ZMIZ1: variants seen among roughly 807,000 people sequenced by gnomAD.
The protein encoded by ZMIZ1 is zinc finger MIZ domain-containing protein 1.
ZMIZ1 carries 17 observed loss-of-function variants against 113.9 expected under a neutral mutation model. That is an observed-to-expected ratio of 0.15 (90% CI 0.10 to 0.22). The LOEUF (loss-of-function observed/expected upper bound fraction) is 0.22, where lower values mean the gene tolerates loss of function less well. Among genes scored for constraint, ZMIZ1 ranks in the 10% least tolerant of loss-of-function variants. The pLI is 1.00. For missense variants in ZMIZ1, 1,059 were observed against 1,477.8 expected, an observed-to-expected ratio of 0.72 and a Z score of 4.65; for synonymous variants, 607 against 603.1, an observed-to-expected ratio of 1.01 and a Z score of -0.09.
intron 4 of ZMIZ1, among the ~76,000 whole-genome samples, chr10:79,176,867 C>T (rs1222429092): frequency 6.6e-6 from 1 of 152,210 alleles, no homozygotes; most frequent in Non-Finnish European, 1.5e-5. Flanking sequence ...CCCATCTACC[C>T]AGTAAGAAGG....
intron 6 of ZMIZ1, among the ~76,000 whole-genome samples, chr10:79,211,554 AT>A (rs1206153010): frequency 6.6e-6 from 1 of 152,218 alleles, no homozygotes; most frequent in Non-Finnish European, 1.5e-5. Flanking sequence ...TACTTTGAGG[AT>A]ATAAATTAAA....
At chr10:79,076,043 C>T (rs904611079) in intron 1 of ZMIZ1, among the ~76,000 whole-genome samples, 9 of 152,172 alleles carry the variant, frequency 5.9e-5, no homozygotes, top group African/African-American at 2.2e-4. Context: ...AAAGCCCCTT[C>T]CACTGTGAAC....
chr10:79,239,433 T>C (rs1309009898), intron 7 of ZMIZ1, among the ~76,000 whole-genome samples: 1 of 152,206 alleles, frequency 6.6e-6, no homozygotes, highest in African/African-American at 2.4e-5. Flanking sequence ...CGTGGACACG[T>C]GGCTGGGGCC....
intron 7 of ZMIZ1, chr10:79,243,727 T>A (rs1253864117): frequency 3.5e-6 from 1 of 288,172 alleles, no homozygotes; most frequent in Admixed American, 5.8e-5. Flanking sequence ...TCGCGACCGG[T>A]GCAACTTCTA....
At chr10:79,268,661 C>T (rs1476096872) in intron 7 of ZMIZ1, among the ~76,000 whole-genome samples, 2 of 152,208 alleles carry the variant, frequency 1.3e-5, no homozygotes, top group African/African-American at 2.4e-5. Context: ...GCTGTCGCTA[C>T]GGAGCACCAT....
intron 8 of ZMIZ1, among the ~76,000 whole-genome samples, chr10:79,283,712 A>G (rs1162592277): frequency 6.6e-6 from 1 of 152,250 alleles, no homozygotes; most frequent in Non-Finnish European, 1.5e-5. Context: ...CAGATGGCCA[A>G]GATGCAAAGG....
chr10:79,263,249 A>G (rs976820591), intron 7 of ZMIZ1, among the ~76,000 whole-genome samples: 5 of 152,250 alleles, frequency 3.3e-5, no homozygotes, highest in African/African-American at 9.6e-5. Flanking sequence ...TGCAGGGTTT[A>G]GACCTCAGGT....
chr10:79,284,437 T>C (rs74359510), intron 8 of ZMIZ1, among the ~76,000 whole-genome samples: 3,091 of 151,800 alleles, frequency 0.02, 62 homozygotes, highest in South Asian at 0.062. Flanking sequence ...GAGAAGCACA[T>C]TTTTTCTAGT....
rs188561186 is a variant in ZMIZ1 at position 79,188,699 on chromosome 10, A to G, written c.-49-12885A>G. On this transcript the variant is annotated intron_variant, in intron 4 of 24. Coordinates refer to ENST00000334512, the MANE Select transcript of ZMIZ1 (RefSeq NM_020338.4). ...CTTGCCTCTTCTGTGTCTCTCCTCC[A>G]GCCTCTCCACCCTTGGGCCACTCCC... Among the ~76,000 whole-genome samples the G allele has an allele frequency of 5.4e-5, 7 of 128,644 alleles. No individual in the cohort carries two copies. In the East Asian group the frequency reaches 1.6e-3, roughly 30 times the overall value. The allele number at this position is 128,644 out of a possible 152,430, so 84.4% of individuals were successfully genotyped here.
intron 7 of ZMIZ1, among the ~76,000 whole-genome samples, chr10:79,242,682 T>A (rs1432471950): frequency 6.6e-6 from 1 of 150,396 alleles, no homozygotes; most frequent in Non-Finnish European, 1.5e-5. Flanking sequence ...CCCGAAGTCA[T>A]CCACCGCCAG....
chr10:79,201,528 C>G, intron 4 of ZMIZ1, 56 bp from the exon 5 acceptor site: 1 of 1,355,204 alleles, frequency 7.4e-7, no homozygotes, highest in Non-Finnish European at 1.0e-6. Context: ...TGGGAGGCTG[C>G]TCAAGGTTGG....
chr10:79,078,762 C>T (rs78608546), intron 1 of ZMIZ1, among the ~76,000 whole-genome samples: 3,299 of 140,026 alleles, frequency 0.024, 103 homozygotes, highest in African/African-American at 0.083. Context: ...ATTGCCCAGG[C>T]TGATCTTGAA....
chr10:79,260,344 A>G (rs948094860), intron 7 of ZMIZ1, among the ~76,000 whole-genome samples: 10 of 152,190 alleles, frequency 6.6e-5, no homozygotes, highest in South Asian at 4.1e-4. Flanking sequence ...CTGAAGAACA[A>G]TGAGGCAGGG....
chr10:79,259,512 A>T (rs1851128604), intron 7 of ZMIZ1, among the ~76,000 whole-genome samples: 1 of 152,202 alleles, frequency 6.6e-6, no homozygotes. Flanking sequence ...GGGATGCAGG[A>T]CATTCTTCCA....
intron 7 of ZMIZ1, among the ~76,000 whole-genome samples, chr10:79,235,208 C>T (rs1211716421): frequency 5.3e-5 from 8 of 152,228 alleles, no homozygotes; most frequent in Non-Finnish European, 7.3e-5. Context: ...AAGGAAGCCG[C>T]TGGCTCCCCT....
At chr10:79,114,494 CGTGTGTGTGTGCGTGTGTGTGT>C (rs1243849249) in intron 1 of ZMIZ1, among the ~76,000 whole-genome samples, 2 of 114,342 alleles carry the variant, frequency 1.7e-5, no homozygotes, top group African/African-American at 3.4e-5. Context: ...TGTGTGTGTG[CGTGTGTGTGTGCGTGTGTGTGT>C]GTGTGTGTGT....
chr10:79,302,681 CTTTTT>C (rs758621365), intron 18 of ZMIZ1, among the ~76,000 whole-genome samples: 1 of 41,782 alleles, frequency 2.4e-5, no homozygotes, highest in African/African-American at 8.7e-5. Flanking sequence ...ACAGCTCATG[CTTTTT>C]TTTTTTTTTT....
intron 5 of ZMIZ1, among the ~76,000 whole-genome samples, chr10:79,202,860 G>A (rs1420664385): frequency 6.6e-6 from 1 of 152,266 alleles, no homozygotes; most frequent in Non-Finnish European, 1.5e-5. Context: ...TTGGACCCAA[G>A]TGCTCATTCC....
At chr10:79,100,651 T>C (rs1843332845) in intron 1 of ZMIZ1, among the ~76,000 whole-genome samples, 1 of 152,140 alleles carries the variant, frequency 6.6e-6, no homozygotes, top group Non-Finnish European at 1.5e-5. Context: ...CAGTGGCTGC[T>C]TGGAGGATGT....
Sources: allele counts gnomAD v4.1 joint callset (sites outside exome capture counted in the v4.1 genomes callset), GRCh38; gene constraint gnomAD v4.1.1; transcripts MANE v1.5; gene names NCBI Gene and HGNC (gene_info 2026-07-23, HGNC 2026-07-21).